RBMS3: variants seen among roughly 807,000 people sequenced by gnomAD.
RBMS3 encodes the protein RNA-binding motif, single-stranded-interacting protein 3.
Under a neutral mutation model 66.8 loss-of-function variants are expected in RBMS3, and 27 were observed. That is an observed-to-expected ratio of 0.40 (90% CI 0.30 to 0.56). The LOEUF (loss-of-function observed/expected upper bound fraction) is 0.56, where lower values mean the gene tolerates loss of function less well. RBMS3 is among the 20% of genes least tolerant of loss of function. The probability of loss-of-function intolerance (pLI) is 0.40; values close to 1 mark genes in which losing one functional copy is unlikely to be tolerated. For synonymous variants in RBMS3, 188 were observed against 183.0 expected (o/e 1.03, Z -0.22); for missense variants, 513 against 549.5 (o/e 0.93, Z 0.66).
intron 3 of RBMS3, among the ~76,000 whole-genome samples, chr3:29,509,784 A>G (rs2044326511): frequency 6.6e-6 from 1 of 152,180 alleles, no homozygotes; most frequent in Admixed American, 6.5e-5. Context: ...TTCATGTTTC[A>G]CTTAAACTAT....
chr3:29,623,591 CA>C (rs55768184), intron 4 of RBMS3, among the ~76,000 whole-genome samples: 12,682 of 115,594 alleles, frequency 0.11, 703 homozygotes, highest in East Asian at 0.39. Context: ...AAGACTGTCT[CA>C]AAAAAAAAAA....
chr3:29,714,207 T>C (rs1024590256), intron 4 of RBMS3, among the ~76,000 whole-genome samples: 2 of 140,568 alleles, frequency 1.4e-5, no homozygotes, highest in African/African-American at 2.7e-5. Context: ...GTGGTGTACA[T>C]ATGAAGGAAT....
chr3:29,683,035 T>TA (rs2149262666), intron 4 of RBMS3, among the ~76,000 whole-genome samples: 1 of 152,324 alleles, frequency 6.6e-6, no homozygotes, highest in South Asian at 2.1e-4. Flanking sequence ...GGCAAATAGA[T>TA]ACTGGGTCAG....
At chr3:29,562,537 C>T (rs7648590) in intron 3 of RBMS3, among the ~76,000 whole-genome samples, 1,561 of 152,204 alleles carry the variant, frequency 0.01, 21 homozygotes, top group African/African-American at 0.036. Context: ...CAAGTGAGGA[C>T]TTGCTACCTC....
At chr3:29,905,474 A>T (rs1001337838) in intron 10 of RBMS3, among the ~76,000 whole-genome samples, 1 of 152,086 alleles carries the variant, frequency 6.6e-6, no homozygotes, top group African/African-American at 2.4e-5. Flanking sequence ...CAATTGCCAT[A>T]ACAAATTTTA....
chr3:29,948,160 T>C (rs1695443990), intron 12 of RBMS3, among the ~76,000 whole-genome samples: 1 of 151,698 alleles, frequency 6.6e-6, no homozygotes, highest in Admixed American at 6.6e-5. Flanking sequence ...TAAATCACAA[T>C]ATACTGGTCC....
chr3:29,471,848 C>T (rs1230945484), intron 2 of RBMS3, among the ~76,000 whole-genome samples: 1 of 150,196 alleles, frequency 6.7e-6, no homozygotes, highest in East Asian at 2.0e-4. Context: ...CTTCTGTTTG[C>T]ATATTTTTTC....
At chr3:29,504,920 C>T (rs78224443) in intron 3 of RBMS3, among the ~76,000 whole-genome samples, 3,567 of 152,114 alleles carry the variant, frequency 0.023, 139 homozygotes, top group African/African-American at 0.082. Context: ...GGTCCTTTGC[C>T]TATTTTTAAA....
At chr3:29,467,473 T>C (rs955437904) in intron 2 of RBMS3, among the ~76,000 whole-genome samples, 1 of 152,162 alleles carries the variant, frequency 6.6e-6, no homozygotes, top group Non-Finnish European at 1.5e-5. Flanking sequence ...GATAATAAAA[T>C]ATCCTTAGTG....
intron 6 of RBMS3, among the ~76,000 whole-genome samples, chr3:29,789,370 G>A (rs2056928229): frequency 6.6e-6 from 1 of 151,878 alleles, no homozygotes; most frequent in Non-Finnish European, 1.5e-5. Context: ...ATTTTTTGAA[G>A]CCATCTAGAA....
At chr3:29,873,511 G>A (rs183911771) in intron 7 of RBMS3, among the ~76,000 whole-genome samples, 2 of 152,196 alleles carry the variant, frequency 1.3e-5, no homozygotes, top group African/African-American at 2.4e-5. Context: ...GATTTTTTTA[G>A]ATGTAGAATC....
At chr3:29,452,641 T>C (rs901785940) in intron 2 of RBMS3, among the ~76,000 whole-genome samples, 7 of 152,208 alleles carry the variant, frequency 4.6e-5, no homozygotes, top group African/African-American at 1.7e-4. Flanking sequence ...GTTTCAGCTG[T>C]TGAGCCACAG....
chr3:29,915,006 C>A (rs946784187), intron 10 of RBMS3, among the ~76,000 whole-genome samples: 4 of 151,796 alleles, frequency 2.6e-5, no homozygotes, highest in African/African-American at 4.8e-5. Context: ...TTTGCCAAGC[C>A]TATAAGAAAA....
intron 4 of RBMS3, among the ~76,000 whole-genome samples, chr3:29,590,707 T>A (rs1431922929): frequency 6.6e-6 from 1 of 152,202 alleles, no homozygotes; most frequent in East Asian, 1.9e-4. Flanking sequence ...AAGGAATATG[T>A]GTCTCTATAA....
intron 6 of RBMS3, among the ~76,000 whole-genome samples, chr3:29,824,529 C>T (rs1212403509): frequency 1.3e-5 from 2 of 152,152 alleles, no homozygotes; most frequent in East Asian, 3.8e-4. Context: ...TAAATCTGTT[C>T]TCAACTTCCC....
intron 4 of RBMS3, among the ~76,000 whole-genome samples, chr3:29,704,920 G>C (rs1367208360): frequency 6.6e-6 from 1 of 152,154 alleles, no homozygotes; most frequent in Non-Finnish European, 1.5e-5. Context: ...GCTTGGCAAG[G>C]GGTTAGTTCT....
chr3:29,976,138 C>T (rs976171502), intron 12 of RBMS3, among the ~76,000 whole-genome samples: 6 of 151,712 alleles, frequency 4.0e-5, no homozygotes, highest in African/African-American at 1.2e-4. Flanking sequence ...TATAGAGATA[C>T]AATTTTGTAT....
intron 3 of RBMS3, among the ~76,000 whole-genome samples, chr3:29,579,892 G>A (rs1044202109): frequency 2.6e-5 from 4 of 152,100 alleles, no homozygotes; most frequent in African/African-American, 9.7e-5. Flanking sequence ...CATAGTGACT[G>A]CACTAAGCCC....
At chr3:29,453,611 C>T (rs796920896) in intron 2 of RBMS3, among the ~76,000 whole-genome samples, 7 of 152,292 alleles carry the variant, frequency 4.6e-5, no homozygotes, top group African/African-American at 1.4e-4. Flanking sequence ...GGGTCGTCTC[C>T]AGCAGGTTGT....
Sources: gnomAD v4.1 joint callset for allele counts (sites outside exome capture counted in the v4.1 genomes callset) on GRCh38, gnomAD v4.1.1 for gene constraint, MANE v1.5 for transcripts, NCBI Gene and HGNC (gene_info 2026-07-23, HGNC 2026-07-21) for gene names.